The following LRRC4B variants were observed in gnomAD, a reference collection of about 807,000 sequenced individuals.
The protein encoded by LRRC4B is leucine rich repeat containing 4B, also known as leucine-rich repeat-containing protein 4B.
LRRC4B carries 1 observed loss-of-function variant against 7.3 expected under a neutral mutation model. That is an observed-to-expected ratio of 0.14 (90% CI 0.05 to 0.65). The LOEUF (loss-of-function observed/expected upper bound fraction) is 0.65, where lower values mean the gene tolerates loss of function less well. LRRC4B is among the 30% of genes least tolerant of loss of function. LRRC4B has a pLI of 0.84. For missense variants in LRRC4B, 730 were observed against 1,041.6 expected, an observed-to-expected ratio of 0.70 and a Z score of 4.12; for synonymous variants, 500 against 499.2, an observed-to-expected ratio of 1.00 and a Z score of -0.02.
rs7251127 is a variant in LRRC4B at position 50,518,468 on chromosome 19, G to T, written c.1245C>A (p.Val415=). The T allele has an allele frequency of 7.6e-4, 1,189 of 1,555,974 alleles. 13 individuals are homozygous for T. The African/African-American group carries it at 0.014, about 19-fold the overall frequency. The change falls in exon 3 of 3, where the codon GTC becomes GTA. Residue 415 remains valine (V), a synonymous_variant. Transcript: ENST00000652263. ...THGSYRVRIS[V]LHDGTLNFTN... is the part of the protein sequence containing the mutation. ...TGAAGTTAAGCGTGCCGTCATGCAG[G>T]ACGGAGATGCGCACGCGGTAGGAGC...
At chr19:50,546,472 T>C (rs1269713199) in intron 2 of LRRC4B, among the ~76,000 whole-genome samples, 2 of 152,100 alleles carry the variant, frequency 1.3e-5, no homozygotes, top group East Asian at 3.9e-4. Context: ...TCCACTCTCG[T>C]GGACTGGACG....
At chr19:50,547,648 T>C (rs908818512) in intron 2 of LRRC4B, among the ~76,000 whole-genome samples, 9 of 147,646 alleles carry the variant, frequency 6.1e-5, no homozygotes, top group Admixed American at 5.5e-4. Context: ...GGGGTGCTAC[T>C]GGCATCTAGT....
At chr19:50,566,844 A>T (rs1982645173) in intron 1 of LRRC4B, among the ~76,000 whole-genome samples, 2 of 139,302 alleles carry the variant, frequency 1.4e-5, no homozygotes, top group South Asian at 4.9e-4. Flanking sequence ...TCATAGAAGG[A>T]TGTTTCAGAG....
intron 1 of LRRC4B, among the ~76,000 whole-genome samples, chr19:50,559,743 G>A (rs1982404350): frequency 6.6e-6 from 1 of 152,226 alleles, no homozygotes; most frequent in South Asian, 2.1e-4. Flanking sequence ...ACAACAAAAG[G>A]GTGCTGCTAA....
At chr19:50,545,405 T>C (rs1040980330) in intron 2 of LRRC4B, among the ~76,000 whole-genome samples, 1 of 100,496 alleles carries the variant, frequency 1.0e-5, no homozygotes, top group African/African-American at 4.3e-5. Flanking sequence ...TGAAACTCCA[T>C]CTCAAAAAAA....
intron 2 of LRRC4B, among the ~76,000 whole-genome samples, chr19:50,545,914 G>C (rs1981783816): frequency 6.6e-6 from 1 of 151,622 alleles, no homozygotes; most frequent in Admixed American, 6.6e-5. Context: ...AGTGGAGATG[G>C]GGATTTGCTG....
At chr19:50,526,788 C>T (rs1481999117) in intron 2 of LRRC4B, among the ~76,000 whole-genome samples, 2 of 151,966 alleles carry the variant, frequency 1.3e-5, no homozygotes, top group African/African-American at 2.4e-5. Context: ...TTATGTTAAT[C>T]ATTTGGCACA....
intron 2 of LRRC4B, among the ~76,000 whole-genome samples, chr19:50,520,095 A>G (rs1273625552): frequency 1.3e-5 from 2 of 150,352 alleles, no homozygotes; most frequent in African/African-American, 4.9e-5. Context: ...TGTCCCAGCT[A>G]CTAGGGAGGC....
intron 2 of LRRC4B, among the ~76,000 whole-genome samples, chr19:50,534,213 C>T (rs758263675): frequency 6.6e-6 from 1 of 152,168 alleles, no homozygotes; most frequent in Non-Finnish European, 1.5e-5. Flanking sequence ...AATCATTTAA[C>T]CAGCAAAGGT....
chr19:50,524,322 T>C lies in LRRC4B; in HGVS notation c.298-4907A>G, dbSNP rs185235754. Among the ~76,000 whole-genome samples, 455 of 152,328 alleles carry C rather than the reference T, an allele frequency of 3.0e-3. 3 individuals are homozygous for C. The highest frequency in any genetic ancestry group is 0.01 in the African/African-American group (434 of 41,578). ...GTGCAGTGGCGCAGTCTCGGCTCAC[T>C]GCAGCCTTGACCGTCTGGGCTCAAG... On this transcript the variant is annotated intron_variant, in intron 2 of 2. Transcript: ENST00000652263.
In LRRC4B at chr19:50,530,022, G is replaced by A. The variant is rs527908065; in HGVS notation, c.298-10607C>T. ...TCCTCCCCGTCCAAAGCGGGGCTGC[G>A]GCCTTGCCCGTGGGTCGTGGGTCGG... On this transcript the variant is annotated intron_variant, in intron 2 of 2. Transcript: ENST00000652263. Among the ~76,000 whole-genome samples the A allele has an allele frequency of 5.3e-5, 8 of 151,678 alleles. No homozygotes were observed. In the South Asian group the frequency reaches 6.3e-4, roughly 12 times the overall value.
intron 1 of LRRC4B, among the ~76,000 whole-genome samples, chr19:50,559,278 T>C (rs1323039622): frequency 1.3e-5 from 2 of 151,956 alleles, no homozygotes; most frequent in Non-Finnish European, 2.9e-5. Flanking sequence ...CTACTAAAAA[T>C]ACAAAATTAG....
intron 1 of LRRC4B, among the ~76,000 whole-genome samples, chr19:50,562,335 A>G (rs562458426): frequency 8.3e-4 from 127 of 152,212 alleles, no homozygotes; most frequent in African/African-American, 2.9e-3. Flanking sequence ...CAGTTTCCCC[A>G]TCTGTCAAAC....
At chr19:50,533,869 G>A (rs1981156541) in intron 2 of LRRC4B, among the ~76,000 whole-genome samples, 1 of 152,180 alleles carries the variant, frequency 6.6e-6, no homozygotes, top group Non-Finnish European at 1.5e-5. Context: ...CTTGTCCCCA[G>A]TCTCACAGGC....
intron 1 of LRRC4B, among the ~76,000 whole-genome samples, chr19:50,549,492 C>A (rs934305498): frequency 4.6e-5 from 7 of 152,200 alleles, no homozygotes; most frequent in African/African-American, 1.7e-4. Flanking sequence ...ACCGAAAGAC[C>A]CTCCGCTGCA....
chr19:50,526,299 G>A (rs1208234373), intron 2 of LRRC4B, among the ~76,000 whole-genome samples: 1 of 152,106 alleles, frequency 6.6e-6, no homozygotes, highest in Non-Finnish European at 1.5e-5. Flanking sequence ...ACACACTCTT[G>A]CCTCTGGCCT....
chr19:50,534,885 AT>A (rs1429768652), intron 2 of LRRC4B, among the ~76,000 whole-genome samples: 1 of 152,100 alleles, frequency 6.6e-6, no homozygotes, highest in Non-Finnish European at 1.5e-5. Context: ...ATATTTATTT[AT>A]TTATTTGAGA....
chr19:50,557,085 G>T (rs1215204408), intron 1 of LRRC4B, among the ~76,000 whole-genome samples: 1 of 152,096 alleles, frequency 6.6e-6, no homozygotes, highest in African/African-American at 2.4e-5. Flanking sequence ...CCAGGGGTCC[G>T]GGGGTAGAGG....
At position 50,517,816 on chromosome 19, in the gene LRRC4B, C is replaced by A; in HGVS notation, c.1897G>T (p.Ala633Ser). 1 of 1,561,736 alleles carries A rather than the reference C, an allele frequency of 6.4e-7. No individual in the cohort carries two copies. The highest frequency in any genetic ancestry group is 8.6e-7 in the Non-Finnish European group (1 of 1,159,410). ...ELPAASAVSV[A>S]AAAAVASGGG... is the part of the protein sequence containing the mutation. Reference sequence around the variant, plus strand: ...CCACTGGCCACGGCGGCCGCGGCGGCCACGGACACGGCCGAGGCGGCGGGC... The same window carrying A: ...CCACTGGCCACGGCGGCCGCGGCGGACACGGACACGGCCGAGGCGGCGGGC... Residue 633 changes from alanine to serine, a missense_variant, in exon 3 of 3, where the codon GCC becomes TCC. This residue lies in a region of LRRC4B where 160 missense variants were observed against 163.9 expected (regional missense o/e 0.98). Coordinates refer to ENST00000652263, the MANE Select transcript of LRRC4B (RefSeq NM_001080457.2). The surrounding 1 kb of genome is among the most constrained non-coding windows in gnomAD (Gnocchi z 6.6).
Sources: allele counts gnomAD v4.1 joint callset (sites outside exome capture counted in the v4.1 genomes callset), GRCh38; gene constraint gnomAD v4.1.1; regional missense constraint gnomAD v4.1.1; non-coding constraint Gnocchi (gnomAD v3.1); transcripts MANE v1.5; gene names NCBI Gene and HGNC (gene_info 2026-07-23, HGNC 2026-07-21).